Variants in NINJ2 observed in about 807,000 individuals in gnomAD.
NINJ2 encodes the protein ninjurin-2.
In NINJ2, 12 loss-of-function variants were observed where a neutral mutation model predicts 11.7. The ratio of observed to expected loss-of-function variants is 1.02; its 90% CI spans 0.66 to 1.66. The LOEUF (loss-of-function observed/expected upper bound fraction) is 1.66, where lower values mean the gene tolerates loss of function less well. Ranked by LOEUF, NINJ2 falls within the 40% of genes most tolerant of loss-of-function variation. The pLI is 0.00. For synonymous variants in NINJ2, 93 were observed against 76.8 expected, an observed-to-expected ratio of 1.21 and a Z score of -1.10; for missense variants, 187 against 181.8, an observed-to-expected ratio of 1.03 and a Z score of -0.16.
At chr12:598,509 G>A (rs1475767721) in intron 1 of NINJ2, among the ~76,000 whole-genome samples, 5 of 152,170 alleles carry the variant, frequency 3.3e-5, no homozygotes, top group South Asian at 2.1e-4. Context: ...GAGCTCACCC[G>A]TGACTCAGCT....
At chr12:620,346 G>A (rs916256907) in intron 1 of NINJ2, among the ~76,000 whole-genome samples, 4 of 148,074 alleles carry the variant, frequency 2.7e-5, no homozygotes, top group Admixed American at 6.9e-5. Flanking sequence ...AGCGATCCCC[G>A]CTTTGCGGGA....
chr12:590,419 G>A (rs1298113968), intron 1 of NINJ2, among the ~76,000 whole-genome samples: 2 of 152,230 alleles, frequency 1.3e-5, no homozygotes, highest in Admixed American at 6.5e-5. Context: ...AGGGGTGGAA[G>A]ACGACACCCT....
At chr12:638,169 C>G (rs1418726862) in intron 1 of NINJ2, among the ~76,000 whole-genome samples, 1 of 152,226 alleles carries the variant, frequency 6.6e-6, no homozygotes, top group African/African-American at 2.4e-5. Context: ...TGCATTCCAC[C>G]TCCTGCAGAG....
chr12:565,455 G>A, intron 2 of NINJ2, 54 bp from the exon 3 acceptor site: 1 of 1,566,268 alleles, frequency 6.4e-7, no homozygotes, highest in Admixed American at 1.7e-5. Flanking sequence ...ACAGCACGGA[G>A]CTGCCCCCAC....
chr12:626,588 T>G lies in NINJ2; in HGVS notation c.33+36740A>C, dbSNP rs571566913. ...GGACTTAAAAGAGTTTCACTCTAGC[T>G]GAACATAAAAGGTGAAACACAGAAG... On this transcript the variant is annotated intron_variant, in intron 1 of 3. Coordinates refer to ENST00000305108, the MANE Select transcript of NINJ2 (RefSeq NM_016533.6). Among the ~76,000 whole-genome samples the G allele has an allele frequency of 2.6e-5, 4 of 152,294 alleles. No homozygotes were observed. The South Asian group carries it at 8.3e-4, about 32-fold the overall frequency.
At chr12:600,625 G>A (rs1266330117) in intron 1 of NINJ2, among the ~76,000 whole-genome samples, 2 of 151,620 alleles carry the variant, frequency 1.3e-5, no homozygotes, top group Non-Finnish European at 2.9e-5. Flanking sequence ...TTAGACGGAT[G>A]GCAAGGCGGG....
chr12:656,607 G>C (rs1937876328), intron 1 of NINJ2, among the ~76,000 whole-genome samples: 1 of 151,708 alleles, frequency 6.6e-6, no homozygotes, highest in African/African-American at 2.4e-5. Context: ...AAATTAGCCA[G>C]ATGTGGTGGC....
Position 640,777 on chromosome 12 carries a change from T to C in NINJ2, c.33+22551A>G, listed in dbSNP as rs1948407795. 2 of 152,730 alleles carry C rather than the reference T, an allele frequency of 1.3e-5. No individual in the cohort carries two copies. The highest frequency in any genetic ancestry group is 2.9e-5 in the Non-Finnish European group (2 of 68,522). The allele number at this position is 152,730 out of a possible 1,614,324, so 9.5% of individuals were successfully genotyped here. ...CCTCCCAAAGTGCTGGGATTACAGG[T>C]GTGAATCATTGTGCTAGGCCACATT... On this transcript the variant is annotated intron_variant, in intron 1 of 3. Transcript: ENST00000305108. The surrounding 1 kb of genome is among the most constrained non-coding windows in gnomAD (Gnocchi z 4.0).
chr12:643,043 C>T (rs535396970), intron 1 of NINJ2: 5 of 153,074 alleles, frequency 3.3e-5, no homozygotes, highest in African/African-American at 1.2e-4. Flanking sequence ...GCCATTCCCC[C>T]GAGTCGGCCC....
chr12:594,423 A>T (rs558043375), intron 1 of NINJ2, among the ~76,000 whole-genome samples: 1 of 152,304 alleles, frequency 6.6e-6, no homozygotes, highest in African/African-American at 2.4e-5. Flanking sequence ...AAAATGAACT[A>T]CTTACATATA....
At chr12:570,687 G>A (rs1947364109) in intron 1 of NINJ2, among the ~76,000 whole-genome samples, 1 of 151,782 alleles carries the variant, frequency 6.6e-6, no homozygotes, top group Non-Finnish European at 1.5e-5. Context: ...CCTGGCCCTG[G>A]CCCTGGCCTC....
chr12:574,296 C>T (rs182656063), intron 1 of NINJ2, among the ~76,000 whole-genome samples: 1 of 152,084 alleles, frequency 6.6e-6, no homozygotes, highest in Non-Finnish European at 1.5e-5. Flanking sequence ...TGTACTCCAG[C>T]CAGGGTGACA....
At chr12:612,049 C>G (rs1410248400) in intron 1 of NINJ2, among the ~76,000 whole-genome samples, 1 of 152,216 alleles carries the variant, frequency 6.6e-6, no homozygotes, top group Non-Finnish European at 1.5e-5. Flanking sequence ...TCTCTATCCC[C>G]TCCCTCCCTT....
chr12:609,166 G>A (rs867807827), intron 1 of NINJ2, among the ~76,000 whole-genome samples: 1 of 123,056 alleles, frequency 8.1e-6, no homozygotes. Context: ...GTACGCGCAC[G>A]CACGGCGCCA....
At chr12:603,667 C>CTTTT (rs112383920) in intron 1 of NINJ2, among the ~76,000 whole-genome samples, 2 of 146,590 alleles carry the variant, frequency 1.4e-5, no homozygotes, top group African/African-American at 5.0e-5. Context: ...TATTCTTTTT[C>CTTTT]TTTTTTTTTT....
chr12:577,723 A>T (rs1205319669), intron 1 of NINJ2, among the ~76,000 whole-genome samples: 1 of 150,606 alleles, frequency 6.6e-6, no homozygotes, highest in East Asian at 2.0e-4. Flanking sequence ...GAAATGAAAA[A>T]TTTTTAAATT....
chr12:642,787 C>G (rs888475666), intron 1 of NINJ2: 1 of 152,050 alleles, frequency 6.6e-6, no homozygotes, highest in Non-Finnish European at 1.5e-5. Flanking sequence ...GATGAAGCCA[C>G]GTGACAGGGC....
chr12:598,751 G>A (rs1947823013), intron 1 of NINJ2, among the ~76,000 whole-genome samples: 1 of 151,982 alleles, frequency 6.6e-6, no homozygotes, highest in South Asian at 2.1e-4. Flanking sequence ...CCAGGCTGCA[G>A]TTCAGTGGCA....
In NINJ2 at chr12:625,799, T is replaced by A. The variant is rs113153741; in HGVS notation, c.33+37529A>T. On this transcript the variant is annotated intron_variant, in intron 1 of 3. Coordinates refer to ENST00000305108, the MANE Select transcript of NINJ2 (RefSeq NM_016533.6). The stretch of plus-strand genomic sequence containing the variant: ...AGATAGAGTCTATCAAAACACTTAT[T>A]AGCATAGAGGGAACGGATAAGCAAT... 7.9e-3 allele frequency among the ~76,000 whole-genome samples: 1,196 copies of A among 152,320 alleles called. 12 individuals are homozygous for A. Among genetic ancestry groups the A allele is most frequent in the Non-Finnish European group, 0.012 (799 of 68,018 alleles).
Sources: gnomAD v4.1 joint callset for allele counts (sites outside exome capture counted in the v4.1 genomes callset) on GRCh38, gnomAD v4.1.1 for gene constraint, Gnocchi (gnomAD v3.1) non-coding constraint, MANE v1.5 for transcripts, NCBI Gene and HGNC (gene_info 2026-07-23, HGNC 2026-07-21) for gene names.